CDH13: variants seen among roughly 807,000 people sequenced by gnomAD.
The protein encoded by CDH13 is cadherin 13, also known as cadherin-13.
CDH13 carries 24 observed loss-of-function variants against 63.8 expected under a neutral mutation model. The ratio of observed to expected loss-of-function variants is 0.38; its 90% confidence interval spans 0.27 to 0.53. The LOEUF is 0.53. Ranked by LOEUF, CDH13 falls within the 20% of genes least tolerant of loss-of-function variation. CDH13 has a pLI of 0.85. For synonymous variants in CDH13, 503 were observed against 355.3 expected (o/e 1.42, Z -4.67); for missense variants, 1,049 against 903.1 (o/e 1.16, Z -2.07).
At chr16:83,064,735 G>A (rs1332384268) in intron 3 of CDH13, among the ~76,000 whole-genome samples, 1 of 151,918 alleles carries the variant, frequency 6.6e-6, no homozygotes, top group Non-Finnish European at 1.5e-5. Context: ...TTTTTGATTG[G>A]CAAGTCATAA....
At chr16:82,814,304 C>G in intron 1 of CDH13, among the ~76,000 whole-genome samples, 1 of 152,136 alleles carries the variant, frequency 6.6e-6, no homozygotes, top group East Asian at 1.9e-4. Context: ...AATGAGTTGA[C>G]TTGTGCTGGG....
intron 1 of CDH13, among the ~76,000 whole-genome samples, chr16:82,791,942 A>G (rs1168188363): frequency 6.6e-6 from 1 of 152,146 alleles, no homozygotes; most frequent in Non-Finnish European, 1.5e-5. Flanking sequence ...GGCCCGCCCC[A>G]TCTTGGGAGC....
intron 5 of CDH13, among the ~76,000 whole-genome samples, chr16:83,267,175 C>G (rs1235600414): frequency 2.0e-5 from 3 of 152,140 alleles, no homozygotes; most frequent in African/African-American, 7.2e-5. Flanking sequence ...CCAGAAAACC[C>G]CAACCCAACT....
At chr16:83,672,881 A>G (rs1197861932) in intron 9 of CDH13, among the ~76,000 whole-genome samples, 2 of 152,224 alleles carry the variant, frequency 1.3e-5, no homozygotes, top group Non-Finnish European at 2.9e-5. Flanking sequence ...TTATAGACTC[A>G]GGACTAGCCA....
At chr16:82,960,097 C>T (rs1220533689) in intron 2 of CDH13, among the ~76,000 whole-genome samples, 2 of 152,022 alleles carry the variant, frequency 1.3e-5, no homozygotes, top group Non-Finnish European at 2.9e-5. Flanking sequence ...GATGATGGAT[C>T]AAGAATGCCA....
intron 8 of CDH13, among the ~76,000 whole-genome samples, chr16:83,653,888 C>G (rs1803793749): frequency 6.6e-6 from 1 of 152,128 alleles, no homozygotes; most frequent in African/African-American, 2.4e-5. Context: ...GCGTCATCAG[C>G]CATAAATATT....
intron 5 of CDH13, among the ~76,000 whole-genome samples, chr16:83,261,513 T>A (rs1463943949): frequency 6.6e-6 from 1 of 152,064 alleles, no homozygotes; most frequent in African/African-American, 2.4e-5. Flanking sequence ...GTGTCCAGTG[T>A]TCTGGAAAGT....
intron 8 of CDH13, among the ~76,000 whole-genome samples, chr16:83,665,960 A>C (rs1162168509): frequency 6.6e-6 from 1 of 152,254 alleles, no homozygotes; most frequent in Non-Finnish European, 1.5e-5. Context: ...GTCAAAGAAA[A>C]GAAAATAATC....
At chr16:83,260,854 A>G (rs888015294) in intron 5 of CDH13, among the ~76,000 whole-genome samples, 8 of 152,188 alleles carry the variant, frequency 5.3e-5, no homozygotes, top group Non-Finnish European at 1.2e-4. Flanking sequence ...TCAGCAAAGA[A>G]TGTATTTGAA....
chr16:82,648,441 T>G (rs1338711442), intron 1 of CDH13, among the ~76,000 whole-genome samples: 1 of 152,166 alleles, frequency 6.6e-6, no homozygotes, highest in Non-Finnish European at 1.5e-5. Flanking sequence ...TGAAAACAGG[T>G]TAGGCAGCTC....
intron 2 of CDH13, among the ~76,000 whole-genome samples, chr16:82,996,990 GTGA>G (rs575073990): frequency 1.7e-3 from 249 of 150,734 alleles, no homozygotes; most frequent in African/African-American, 5.1e-3. Flanking sequence ...GGTGATGGTG[GTGA>G]TGATGATGAT....
At chr16:83,329,078 A>G (rs1030790479) in intron 5 of CDH13, among the ~76,000 whole-genome samples, 1 of 152,184 alleles carries the variant, frequency 6.6e-6, no homozygotes, top group East Asian at 1.9e-4. Flanking sequence ...CCCGAAGCAC[A>G]AATCTCTGGG....
intron 5 of CDH13, among the ~76,000 whole-genome samples, chr16:83,230,955 AT>A (rs2039985266): frequency 1.3e-5 from 2 of 152,326 alleles, no homozygotes; most frequent in South Asian, 4.1e-4. Flanking sequence ...GCCGGGAGAC[AT>A]CCTCGAAATA....
chr16:83,057,076 C>T (rs974076324), intron 3 of CDH13, among the ~76,000 whole-genome samples: 5 of 152,154 alleles, frequency 3.3e-5, no homozygotes, highest in Admixed American at 3.3e-4. Flanking sequence ...AAGTGATTCT[C>T]CTGCCTCAGC....
At chr16:83,786,655 T>G (rs914423960) in intron 13 of CDH13, among the ~76,000 whole-genome samples, 3 of 152,102 alleles carry the variant, frequency 2.0e-5, no homozygotes, top group Non-Finnish European at 4.4e-5. Context: ...TGGCGTCATC[T>G]CAGCTTACTG....
intron 10 of CDH13, chr16:83,721,685 T>C (rs76096690): frequency 0.15 from 23,062 of 152,182 alleles, 2,009 homozygotes; most frequent in Middle Eastern, 0.27. Context: ...CAACATAGTT[T>C]TTGTTTCCAG....
chr16:82,767,028 A>G (rs114318252), intron 1 of CDH13, among the ~76,000 whole-genome samples: 1,667 of 152,300 alleles, frequency 0.011, 34 homozygotes, highest in African/African-American at 0.038. Context: ...CCATCCACTA[A>G]TCTACCTCAT....
At chr16:82,682,226 A>AG (rs1171404455) in intron 1 of CDH13, among the ~76,000 whole-genome samples, 2 of 152,244 alleles carry the variant, frequency 1.3e-5, no homozygotes, top group Non-Finnish European at 2.9e-5. Flanking sequence ...AGAATCCCCT[A>AG]GGGAAAGTGC....
At chr16:83,327,535 C>T (rs2090391292) in intron 5 of CDH13, among the ~76,000 whole-genome samples, 3 of 152,196 alleles carry the variant, frequency 2.0e-5, no homozygotes, top group Admixed American at 2.0e-4. Flanking sequence ...GGCACTTGTT[C>T]TATTGTGCTA....
Sources: allele counts gnomAD v4.1 joint callset (sites outside exome capture counted in the v4.1 genomes callset), GRCh38; gene constraint gnomAD v4.1.1; transcripts MANE v1.5; gene names NCBI Gene and HGNC (gene_info 2026-07-23, HGNC 2026-07-21).